Variants in GPR173 observed in about 807,000 individuals in gnomAD.
GPR173 encodes G protein-coupled receptor 173.
A neutral mutation model predicts 13.9 loss-of-function variants in GPR173; 2 were observed. That is an observed-to-expected ratio of 0.14 (90% CI 0.06 to 0.45). The LOEUF (loss-of-function observed/expected upper bound fraction) is 0.45, where lower values mean the gene tolerates loss of function less well. Ranked by LOEUF, GPR173 falls within the 20% of genes least tolerant of loss-of-function variation. GPR173 has a pLI of 0.98. For synonymous variants in GPR173, 131 were observed against 141.0 expected (o/e 0.93, Z 0.50); for missense variants, 202 against 340.5 (o/e 0.59, Z 3.20).
intron 1 of GPR173, among the ~76,000 whole-genome samples, chrX:53,060,960 T>G (rs1556803733): frequency 9.5e-6 from 1 of 104,797 alleles, no homozygotes; most frequent in Admixed American, 1.0e-4. Context: ...ATGGTGACAT[T>G]TTTACTCCCT....
intron 1 of GPR173, among the ~76,000 whole-genome samples, chrX:53,067,218 C>A (rs980853736): frequency 3.8e-4 from 42 of 111,512 alleles, no homozygotes; most frequent in Admixed American, 5.8e-4. Flanking sequence ...TATCTCCTAA[C>A]AGCAATAATT....
intron 1 of GPR173, among the ~76,000 whole-genome samples, chrX:53,049,821 C>A (rs782537865): frequency 5.4e-5 from 6 of 111,610 alleles, no homozygotes; most frequent in Admixed American, 9.4e-5. Context: ...GGGAGCCCGG[C>A]GGCCGTGTTC....
At chrX:53,054,282 G>A (rs1248955245) in intron 1 of GPR173, among the ~76,000 whole-genome samples, 4 of 110,505 alleles carry the variant, frequency 3.6e-5, no homozygotes, top group Admixed American at 9.7e-5. Flanking sequence ...AGGCCAAGGC[G>A]GGTGGATCTC....
In GPR173 at chrX:53,080,547, T is replaced by A. The variant is rs1262430223; in HGVS notation, c.*2804T>A. The A allele has an allele frequency of 1.6e-5, 2 of 123,032 alleles. No individual in the cohort carries two copies. The highest frequency in any genetic ancestry group is 1.9e-5 in the Non-Finnish European group (1 of 53,285). The allele number at this position is 123,032 out of a possible 1,213,427, so 10.1% of individuals were successfully genotyped here. On this transcript the variant is annotated 3_prime_UTR_variant, in exon 2 of 2. Transcript: ENST00000332582. ...CCGTTCATGTGTTTATTTACATATA[T>A]GTGTATCTGTGAAAAATGTATGGTA...
intron 1 of GPR173, among the ~76,000 whole-genome samples, chrX:53,063,252 C>T (rs1932152003): frequency 9.0e-6 from 1 of 110,898 alleles, no homozygotes; most frequent in Non-Finnish European, 1.9e-5. Flanking sequence ...TCAAGGTTTA[C>T]AGGTTATACT....
Position 53,077,293 on chromosome X carries a change from A to C in GPR173, c.672A>C (p.Pro224=). ...AGATGAAGCCAGTGCAGATGGTGCC[A>C]GCCATCAGCCAGAACTGGACATTCC... ...HRKMKPVQMV[P]AISQNWTFHG... The change falls in exon 2 of 2, where the codon CCA becomes CCC. Residue 224 remains proline, a synonymous_variant. Transcript: ENST00000332582. 1.7e-6 allele frequency: 2 copies of C among 1,187,402 alleles called. No homozygotes were observed. Among genetic ancestry groups the C allele is most frequent in the Non-Finnish European group, 2.3e-6 (2 of 881,594 alleles).
chrX:53,073,939 A>ATATATATTTATATATATTTATATT (rs1932320019), intron 1 of GPR173, among the ~76,000 whole-genome samples: 1 of 35,624 alleles, frequency 2.8e-5, no homozygotes, highest in Non-Finnish European at 3.9e-5. Context: ...AAATATAAAT[A>ATATATATTTATATATATTTATATT]TATATTTATG....
intron 1 of GPR173, among the ~76,000 whole-genome samples, chrX:53,070,046 A>C (rs1556804640): frequency 9.0e-6 from 1 of 111,064 alleles, no homozygotes. Context: ...GTAGGGTTCA[A>C]GTGCGTGTCA....
rs370688515 is a variant in GPR173, at chrX:53,078,018, G to GTCTC, written c.*300_*303dup. 6.0e-3 allele frequency: 1,544 copies of GTCTC among 256,269 alleles called. 5 individuals carry two copies. The highest frequency in any genetic ancestry group is 8.2e-3 in the Non-Finnish European group (1,156 of 141,136). The allele number at this position is 256,269 out of a possible 1,213,427, so 21.1% of individuals were successfully genotyped here. A position where few individuals can be genotyped will look rare whatever the true frequency, so the allele number is the denominator to read the frequency against. ...TCTCATTCTCTCTCTCTCTCTCTCT[G>GTCTC]TCTCTCTCTCTCTCTCTCTCTCTCT... On this transcript the variant is annotated 3_prime_UTR_variant, in exon 2 of 2. Transcript: ENST00000332582.
chrX:53,073,628 T>G (rs1207255243), intron 1 of GPR173, among the ~76,000 whole-genome samples: 1 of 106,206 alleles, frequency 9.4e-6, no homozygotes, highest in Admixed American at 1.1e-4. Flanking sequence ...TTTGATATAT[T>G]GTCACTGAGA....
intron 1 of GPR173, among the ~76,000 whole-genome samples, chrX:53,071,500 G>T (rs1556804771): frequency 8.9e-6 from 1 of 111,983 alleles, no homozygotes; most frequent in East Asian, 2.8e-4. Flanking sequence ...GAAAAAAAAT[G>T]GTGTTTATCT....
At chrX:53,062,780 C>T (rs1932147058) in intron 1 of GPR173, among the ~76,000 whole-genome samples, 1 of 108,852 alleles carries the variant, frequency 9.2e-6, no homozygotes. Context: ...TGGGCTCAAG[C>T]GATCCACCCA....
At chrX:53,071,783 G>C (rs1416089691) in intron 1 of GPR173, among the ~76,000 whole-genome samples, 3 of 112,419 alleles carry the variant, frequency 2.7e-5, no homozygotes, top group Non-Finnish European at 3.8e-5. Context: ...GTGTGAACAC[G>C]GCAGAGTACA....
chrX:53,072,393 GCT>G (rs111935395), intron 1 of GPR173, among the ~76,000 whole-genome samples: 101 of 89,680 alleles, frequency 1.1e-3, no homozygotes, highest in Non-Finnish European at 1.4e-3. Flanking sequence ...TCTCTCTCTT[GCT>G]CTCTCTCTCT....
At chrX:53,070,011 A>ATG (rs1159965619) in intron 1 of GPR173, among the ~76,000 whole-genome samples, 4 of 110,577 alleles carry the variant, frequency 3.6e-5, no homozygotes, top group African/African-American at 9.9e-5. Context: ...CTGTGTGTGT[A>ATG]TGTGTGTGTG....
intron 1 of GPR173, among the ~76,000 whole-genome samples, chrX:53,067,560 T>G (rs191847993): frequency 8.9e-6 from 1 of 112,157 alleles, no homozygotes; most frequent in East Asian, 2.8e-4. Context: ...GCGCGGTGGC[T>G]CACGCCTGTA....
intron 1 of GPR173, among the ~76,000 whole-genome samples, chrX:53,074,265 C>CATATATAAAT (rs1252156918): frequency 4.4e-4 from 22 of 50,029 alleles, no homozygotes; most frequent in African/African-American, 2.9e-3. Flanking sequence ...TATATTTATT[C>CATATATAAAT]ATATATAAAT....
intron 1 of GPR173, among the ~76,000 whole-genome samples, chrX:53,073,194 C>T (rs1347468867): frequency 2.8e-5 from 3 of 105,512 alleles, no homozygotes; most frequent in Non-Finnish European, 5.8e-5. Context: ...CACTGCACTC[C>T]AGCCTGGGCA....
At chrX:53,069,957 C>CAT (rs1308671976) in intron 1 of GPR173, among the ~76,000 whole-genome samples, 1 of 110,500 alleles carries the variant, frequency 9.0e-6, no homozygotes, top group African/African-American at 3.3e-5. Flanking sequence ...TTTCTGGGTG[C>CAT]ATATATATCT....
Sources: gnomAD v4.1 joint callset for allele counts (sites outside exome capture counted in the v4.1 genomes callset) on GRCh38, gnomAD v4.1.1 for gene constraint, MANE v1.5 for transcripts, NCBI Gene and HGNC (gene_info 2026-07-23, HGNC 2026-07-21) for gene names.